SGMS1: variants seen among roughly 807,000 people sequenced by gnomAD.
The protein encoded by SGMS1 is phosphatidylcholine:ceramide cholinephosphotransferase 1.
Under a neutral mutation model 46.2 loss-of-function variants are expected in SGMS1, and 13 were observed. The observed-to-expected ratio is 0.28, with a 90% CI of 0.18 to 0.45. SGMS1 has a LOEUF of 0.45. Ranked by LOEUF, SGMS1 falls within the 20% of genes least tolerant of loss-of-function variation. The pLI is 1.00. For missense variants in SGMS1, 324 were observed against 519.9 expected, an observed-to-expected ratio of 0.62 and a Z score of 3.66; for synonymous variants, 203 against 187.8, an observed-to-expected ratio of 1.08 and a Z score of -0.66.
chr10:50,315,619 G>A (rs1847326905), intron 8 of SGMS1, among the ~76,000 whole-genome samples: 1 of 152,002 alleles, frequency 6.6e-6, no homozygotes, highest in African/African-American at 2.4e-5. Context: ...AGTGTTTTTT[G>A]GCTGCATTCA....
At chr10:50,468,225 G>A (rs1366141542) in intron 3 of SGMS1, among the ~76,000 whole-genome samples, 1 of 152,188 alleles carries the variant, frequency 6.6e-6, no homozygotes, top group Non-Finnish European at 1.5e-5. Context: ...GGTGTCTGAT[G>A]TAAACAGTTA....
intron 3 of SGMS1, among the ~76,000 whole-genome samples, chr10:50,477,653 C>T (rs560955114): frequency 4.6e-5 from 7 of 152,248 alleles, no homozygotes; most frequent in Non-Finnish European, 1.0e-4. Flanking sequence ...GAGGTGGGGC[C>T]TGGTGGGAAG....
intron 1 of SGMS1, among the ~76,000 whole-genome samples, chr10:50,596,021 G>C (rs1296974086): frequency 6.6e-6 from 1 of 152,200 alleles, no homozygotes; most frequent in African/African-American, 2.4e-5. Flanking sequence ...ATGTATGCTT[G>C]GCAATGGCAA....
intron 3 of SGMS1, among the ~76,000 whole-genome samples, chr10:50,506,924 T>C (rs933540461): frequency 1.3e-5 from 2 of 152,076 alleles, no homozygotes; most frequent in African/African-American, 4.8e-5. Context: ...AACCCAGGAA[T>C]AGGAAGCAAT....
At chr10:50,477,203 C>T (rs1344460669) in intron 3 of SGMS1, among the ~76,000 whole-genome samples, 3 of 152,242 alleles carry the variant, frequency 2.0e-5, no homozygotes, top group African/African-American at 7.2e-5. Flanking sequence ...GAAGTCCATG[C>T]CTGGCATCAG....
chr10:50,340,969 T>C (rs939047060), intron 7 of SGMS1, among the ~76,000 whole-genome samples: 6 of 152,190 alleles, frequency 3.9e-5, no homozygotes, highest in African/African-American at 1.2e-4. Context: ...ACTGGCCAAA[T>C]AGGCTTAATT....
chr10:50,484,639 A>T (rs1194122203), intron 3 of SGMS1, among the ~76,000 whole-genome samples: 1 of 152,234 alleles, frequency 6.6e-6, no homozygotes, highest in Non-Finnish European at 1.5e-5. Flanking sequence ...TCTATGCAAA[A>T]GTCCCCAACA....
chr10:50,360,199 A>C (rs955914380), intron 6 of SGMS1, among the ~76,000 whole-genome samples: 17 of 152,228 alleles, frequency 1.1e-4, no homozygotes, highest in Non-Finnish European at 1.9e-4. Context: ...TCATATTCCC[A>C]AGACATAATG....
At chr10:50,599,189 T>C (rs1050836913) in intron 1 of SGMS1, among the ~76,000 whole-genome samples, 1 of 152,188 alleles carries the variant, frequency 6.6e-6, no homozygotes, top group African/African-American at 2.4e-5. Context: ...GATTTTCATG[T>C]GATCAACAGA....
intron 3 of SGMS1, among the ~76,000 whole-genome samples, chr10:50,468,657 C>A (rs1035825115): frequency 1.3e-5 from 2 of 152,144 alleles, no homozygotes; most frequent in South Asian, 4.1e-4. Flanking sequence ...TATTGAAGAA[C>A]CCATGACAGT....
intron 2 of SGMS1, among the ~76,000 whole-genome samples, chr10:50,538,810 C>T (rs189617383): frequency 2.6e-5 from 4 of 152,210 alleles, no homozygotes; most frequent in African/African-American, 9.6e-5. Context: ...TGGTCAAAGG[C>T]GATCCAAAAG....
rs145516432 is a variant in SGMS1, at chr10:50,325,157, C to A, written c.741+2048G>T. On this transcript the variant is annotated intron_variant, in intron 8 of 10. Coordinates refer to ENST00000361781, the MANE Select transcript of SGMS1 (RefSeq NM_147156.4). ...CGTTACCTGGGAGTTGTTTTAAATA[C>A]TTCAAAAAGAAAAAAGAAAGGAAAC... is the stretch of plus-strand genomic sequence containing the variant. Among the ~76,000 whole-genome samples, 128 of 152,166 alleles carry A rather than the reference C, an allele frequency of 8.4e-4. 1 individual carries two copies. The East Asian group carries it at 0.023, about 28-fold the overall frequency.
intron 1 of SGMS1, among the ~76,000 whole-genome samples, chr10:50,617,161 T>C (rs1838805998): frequency 6.6e-6 from 1 of 152,184 alleles, no homozygotes; most frequent in Admixed American, 6.5e-5. Context: ...TAAAAAATGT[T>C]CTGGAAATGC....
chr10:50,577,568 A>G (rs1838396506), intron 2 of SGMS1, among the ~76,000 whole-genome samples: 1 of 152,186 alleles, frequency 6.6e-6, no homozygotes, highest in African/African-American at 2.4e-5. Flanking sequence ...CTTAATTTTA[A>G]TGCAACCTCA....
intron 2 of SGMS1, among the ~76,000 whole-genome samples, chr10:50,551,075 A>G (rs1838145081): frequency 6.6e-6 from 1 of 152,200 alleles, no homozygotes; most frequent in African/African-American, 2.4e-5. Context: ...TGGGCTACAT[A>G]TAGTGACTTC....
At chr10:50,390,568 T>C (rs1848752567) in intron 6 of SGMS1, among the ~76,000 whole-genome samples, 1 of 152,034 alleles carries the variant, frequency 6.6e-6, no homozygotes, top group Non-Finnish European at 1.5e-5. Flanking sequence ...AACCCAGGAG[T>C]TGGAAGCTGC....
At chr10:50,430,739 A>G (rs552870662) in intron 6 of SGMS1, among the ~76,000 whole-genome samples, 1 of 152,164 alleles carries the variant, frequency 6.6e-6, no homozygotes, top group South Asian at 2.1e-4. Flanking sequence ...TGAGTATTTT[A>G]TATGTCTTTT....
At chr10:50,574,950 A>G (rs1423664652) in intron 2 of SGMS1, among the ~76,000 whole-genome samples, 1 of 54,642 alleles carries the variant, frequency 1.8e-5, no homozygotes, top group Non-Finnish European at 5.0e-5. Context: ...ACATTTTAAA[A>G]GGAAAATGTG....
chr10:50,575,306 C>A (rs150761475), intron 2 of SGMS1, among the ~76,000 whole-genome samples: 33 of 152,208 alleles, frequency 2.2e-4, no homozygotes, highest in African/African-American at 7.7e-4. Context: ...ACAATTCCAA[C>A]GCTTTATAAG....
Sources: allele counts gnomAD v4.1 joint callset (sites outside exome capture counted in the v4.1 genomes callset), GRCh38; gene constraint gnomAD v4.1.1; transcripts MANE v1.5; gene names NCBI Gene and HGNC (gene_info 2026-07-23, HGNC 2026-07-21).